Variants in RUSC1 observed in about 807,000 individuals in gnomAD.
The protein encoded by RUSC1 is AP-4 complex accessory subunit RUSC1.
A neutral mutation model predicts 72.1 loss-of-function variants in RUSC1; 40 were observed. That is an observed-to-expected ratio of 0.55 (90% confidence interval 0.43 to 0.72). The LOEUF is 0.72. Ranked by LOEUF, RUSC1 falls within the 30% of genes least tolerant of loss-of-function variation. The probability of loss-of-function intolerance (pLI) is 0.00; values close to 1 mark genes in which losing one functional copy is unlikely to be tolerated. For synonymous variants in RUSC1, 512 were observed against 494.2 expected (o/e 1.04, Z -0.48); for missense variants, 1,092 against 1,172.3 (o/e 0.93, Z 1.00).
At position 155,327,027 on chromosome 1, in the gene RUSC1, C is replaced by A; in HGVS notation, c.2309C>A (p.Pro770His). The A allele has an allele frequency of 6.2e-7, 1 of 1,613,472 alleles. No individual in the cohort carries two copies. The highest frequency in any genetic ancestry group is 8.5e-7 in the Non-Finnish European group (1 of 1,180,020). The change falls in exon 8 of 10, where the codon CCC becomes CAC. Residue 770 changes from proline (P) to histidine (H), a missense_variant. Transcript: ENST00000368352. ...GCTGAAGAAGGTGCACAGGAGAGACCCCTGCCCACAGATGAGATGGCACCA... is the reference window on the plus strand; with the variant it reads ...GCTGAAGAAGGTGCACAGGAGAGACACCTGCCCACAGATGAGATGGCACCA... ...TAAEEGAQERPLPTDEMAPGR... is the reference protein window; with the variant it reads ...TAAEEGAQERHLPTDEMAPGR...
chr1:155,328,173 C>G lies in RUSC1; in HGVS notation c.2438C>G (p.Pro813Arg). The change falls in exon 9 of 10, where the codon CCG becomes CGG. Residue 813 changes from proline (P) to arginine (R), a missense_variant. Coordinates refer to ENST00000368352, the MANE Select transcript of RUSC1 (RefSeq NM_001105203.2). ...KSRRPSSWLPPTVSVLALVKR... is the reference protein window; with the variant it reads ...KSRRPSSWLPRTVSVLALVKR... The stretch of plus-strand genomic sequence containing the variant: ...AGGAGACCATCTAGCTGGCTGCCCC[C>G]GACAGTGAGTGTGTTGGCTCTTGTG... 6.2e-7 allele frequency: 1 copy of G among 1,613,380 alleles called. No individual in the cohort carries two copies. Among genetic ancestry groups the G allele is most frequent in the Non-Finnish European group, 8.5e-7 (1 of 1,179,712 alleles).
At position 155,325,506 on chromosome 1, in the gene RUSC1, G is replaced by C. The variant is rs780285957; in HGVS notation, c.1708+16G>C. The C allele has an allele frequency of 6.3e-7, 1 of 1,599,858 alleles. No individual in the cohort carries two copies. Among genetic ancestry groups the C allele is most frequent in the Non-Finnish European group, 8.5e-7 (1 of 1,175,954 alleles). On this transcript the variant is annotated intron_variant, in intron 5 of 9. Coordinates refer to ENST00000368352, the MANE Select transcript of RUSC1 (RefSeq NM_001105203.2). The surrounding 1 kb of genome is among the most constrained non-coding windows in gnomAD (Gnocchi z 6.5). ...GTGAAGCCAGGTGAGCCAGGAGGGC[G>C]TGGGACCCGGCAGTGCGCAGGGCAG...
rs753071005 is a variant in RUSC1, at chr1:155,325,194, G to T, written c.1533+16G>T. The stretch of plus-strand genomic sequence containing the variant: ...GGTGCAGAAGGTGAAGGTGGCTGGG[G>T]GGAGGCTGTTGGGATGAGGAGAGTA... On this transcript the variant is annotated intron_variant, in intron 4 of 9. Coordinates refer to ENST00000368352, the MANE Select transcript of RUSC1 (RefSeq NM_001105203.2). This position sits in a 1 kb window ranked among gnomAD's most constrained non-coding sequence, Gnocchi z 6.5. 1.9e-6 allele frequency: 3 copies of T among 1,614,104 alleles called. No individual in the cohort carries two copies. The highest frequency in any genetic ancestry group is 3.3e-4 in the Middle Eastern group (2 of 6,084).
intron 2 of RUSC1, chr1:155,323,828 G>T: frequency 1.3e-6 from 1 of 785,878 alleles, no homozygotes; most frequent in Non-Finnish European, 1.5e-6. Flanking sequence ...ACGGACCCGG[G>T]CTAGCCCCGC....
intron 2 of RUSC1, chr1:155,324,448 A>T: frequency 6.2e-7 from 1 of 1,612,610 alleles, no homozygotes; most frequent in Non-Finnish European, 8.5e-7. Flanking sequence ...GGGGCTCCGC[A>T]GGCAGGACTG....
intron 2 of RUSC1, chr1:155,324,517 C>T (rs1414733622): frequency 3.7e-6 from 6 of 1,603,276 alleles, no homozygotes; most frequent in Non-Finnish European, 5.1e-6. Context: ...CTCTCCCGCC[C>T]TACAGGCCCT....
Position 155,324,963 on chromosome 1 carries a change from G to A in RUSC1, c.1456+20G>A. 6.2e-7 allele frequency: 1 copy of A among 1,614,018 alleles called. No individual in the cohort carries two copies. The highest frequency in any genetic ancestry group is 8.5e-7 in the Non-Finnish European group (1 of 1,179,954). On this transcript the variant is annotated intron_variant, in intron 3 of 9. Coordinates refer to ENST00000368352, the MANE Select transcript of RUSC1 (RefSeq NM_001105203.2). Reference sequence around the variant, plus strand: ...AGAAAGGTAGGGCACCCTGACTCCCGACCCCGCGCTTCCGAATAAACTGCC... The same window carrying A: ...AGAAAGGTAGGGCACCCTGACTCCCAACCCCGCGCTTCCGAATAAACTGCC...
At chr1:155,328,887 T>C (rs1334993044) in intron 9 of RUSC1, among the ~76,000 whole-genome samples, 17 of 152,086 alleles carry the variant, frequency 1.1e-4, no homozygotes, top group Admixed American at 3.9e-4. Context: ...CGTGAGCCAC[T>C]GTGCCCAGCC....
At chr1:155,327,936 G>C (rs1651585261) in intron 8 of RUSC1, among the ~76,000 whole-genome samples, 1 of 152,192 alleles carries the variant, frequency 6.6e-6, no homozygotes, top group Non-Finnish European at 1.5e-5. Context: ...TAGGTTCCTT[G>C]TGATTTGTGG....
At position 155,322,228 on chromosome 1, in the gene RUSC1, C is replaced by G; in HGVS notation, c.455C>G (p.Pro152Arg). 6.2e-7 allele frequency: 1 copy of G among 1,612,894 alleles called. No individual in the cohort carries two copies. The highest frequency in any genetic ancestry group is 8.5e-7 in the Non-Finnish European group (1 of 1,179,158). Reference protein sequence around the residue: ...EQGSPLASAGPGTCSPDSFCC... With the variant: ...EQGSPLASAGRGTCSPDSFCC... Reference sequence around the variant, plus strand: ...GGCTCCCCACTGGCTTCAGCAGGCCCTGGCACCTGCTCACCGGACAGCTTC... The same window carrying G: ...GGCTCCCCACTGGCTTCAGCAGGCCGTGGCACCTGCTCACCGGACAGCTTC... The change falls in exon 2 of 10, where the codon CCT (proline) becomes CGT (arginine). Residue 152 changes from proline (P) to arginine (R), a missense_variant. By Grantham distance (103) the Pro-to-Arg change is moderately radical. Coordinates refer to ENST00000368352, the MANE Select transcript of RUSC1 (RefSeq NM_001105203.2).
chr1:155,328,921 C>T (rs1227245754), intron 9 of RUSC1, among the ~76,000 whole-genome samples: 6 of 151,942 alleles, frequency 3.9e-5, no homozygotes, highest in African/African-American at 7.2e-5. Flanking sequence ...TTAGTAGAAA[C>T]GGGGTTTCAC....
rs997612844 is a variant in RUSC1 at position 155,322,033 on chromosome 1, C to A, written c.260C>A (p.Pro87Gln). The change falls in exon 2 of 10, where the codon CCG (proline) becomes CAG (glutamine). Residue 87 changes from proline (P) to glutamine (Q), a missense_variant. Pro to Gln is a moderately conservative substitution (Grantham distance 76). Transcript: ENST00000368352. ...HGPGLENRQDPSQEEEGAASP... is the reference protein window; with the variant it reads ...HGPGLENRQDQSQEEEGAASP... ...CCGGGCCTAGAAAACCGGCAGGACC[C>A]GTCACAGGAGGAAGAGGGGGCTGCC... The A allele has an allele frequency of 1.9e-6, 3 of 1,612,196 alleles. No homozygotes were observed. Among genetic ancestry groups the A allele is most frequent in the South Asian group, 2.2e-5 (2 of 90,822 alleles).
chr1:155,321,778 T>C lies in RUSC1; in HGVS notation c.5T>C (p.Leu2Pro), dbSNP rs947154833. Residue 2 changes from leucine (L) to proline (P), a missense_variant, in exon 2 of 10, where the codon CTG becomes CCG. Coordinates refer to ENST00000368352, the MANE Select transcript of RUSC1 (RefSeq NM_001105203.2). ...CATCCCATCGCCGCTAGCATCATGC[T>C]GTCCCCTCAGAGAGCTTTACTCTGC... M[L>P]SPQRALLCNL... 2 of 1,614,060 alleles carry C rather than the reference T, an allele frequency of 1.2e-6. No individual in the cohort carries two copies. Among genetic ancestry groups the C allele is most frequent in the African/African-American group, 2.7e-5 (2 of 75,054 alleles).
chr1:155,321,262 G>A, intron 1 of RUSC1: 1 of 1,367,178 alleles, frequency 7.3e-7, no homozygotes, highest in East Asian at 4.5e-5. Flanking sequence ...GCATTCACCA[G>A]ACAAACTCTG....
rs1437912527 is a variant in RUSC1 at position 155,328,224 on chromosome 1, C to CT, written c.2491dup (p.Ser831PhefsTer6). ...AAGCGGGGGGCACCTCCCGAGATGC[C>CT]TTCTCCTCAGGAGCTTGAGGCCTCA... On this transcript the variant is annotated frameshift_variant, in exon 9 of 10. Coordinates refer to ENST00000368352, the MANE Select transcript of RUSC1 (RefSeq NM_001105203.2). LOFTEE classifies it low-confidence loss of function (END_TRUNC). 6.2e-7 allele frequency: 1 copy of CT among 1,613,386 alleles called. No individual in the cohort carries two copies. The highest frequency in any genetic ancestry group is 8.5e-7 in the Non-Finnish European group (1 of 1,179,756).
intron 2 of RUSC1, chr1:155,324,052 C>G (rs565689116): frequency 8.1e-6 from 9 of 1,110,412 alleles, no homozygotes; most frequent in Non-Finnish European, 9.9e-6. Flanking sequence ...TCCAGACCCA[C>G]CTGGGCATAG....
intron 9 of RUSC1, 77 bp from the exon 10 acceptor site, chr1:155,330,326 C>A: frequency 6.8e-7 from 1 of 1,476,914 alleles, no homozygotes; most frequent in Non-Finnish European, 9.4e-7. Context: ...AACAAGGGCA[C>A]TCTAGAGGTG....
rs1332398060 is a variant in RUSC1 at position 155,323,008 on chromosome 1, A to G, written c.1235A>G (p.Lys412Arg). Residue 412 changes from lysine to arginine, a missense_variant, in exon 2 of 10, where the codon AAG (lysine) becomes AGG (arginine). By Grantham distance (26) the Lys-to-Arg change is conservative. Transcript: ENST00000368352. ...PPPPVPPRRKKNRPGLQPIAE... is the reference protein window; with the variant it reads ...PPPPVPPRRKRNRPGLQPIAE... Reference sequence around the variant, plus strand: ...CCGCCTGTCCCTCCCCGAAGGAAGAAGAACCGACCTGGACTGCAGCCCATA... The same window carrying G: ...CCGCCTGTCCCTCCCCGAAGGAAGAGGAACCGACCTGGACTGCAGCCCATA... 9 of 1,501,752 alleles carry G rather than the reference A, an allele frequency of 6.0e-6. No individual in the cohort carries two copies. In the East Asian group the frequency reaches 1.0e-4, roughly 17 times the overall value. 93.0% of individuals were successfully genotyped at this position (1,501,752 alleles called of 1,614,324 possible). A position where few individuals can be genotyped will look rare whatever the true frequency, so the allele number is the denominator to read the frequency against.
chr1:155,327,942 T>C (rs1313060454), intron 8 of RUSC1, among the ~76,000 whole-genome samples: 3 of 152,218 alleles, frequency 2.0e-5, no homozygotes, highest in African/African-American at 7.2e-5. Flanking sequence ...CCTTGTGATT[T>C]GTGGTGTTGT....
Sources: gnomAD v4.1 joint callset for allele counts (sites outside exome capture counted in the v4.1 genomes callset) on GRCh38, gnomAD v4.1.1 for gene constraint, Gnocchi (gnomAD v3.1) non-coding constraint, MANE v1.5 for transcripts, NCBI Gene and HGNC (gene_info 2026-07-23, HGNC 2026-07-21) for gene names.